CDH6: variants seen among roughly 807,000 people sequenced by gnomAD.
CDH6 encodes the protein cadherin 6.
In CDH6, 31 loss-of-function variants were observed where a neutral mutation model predicts 78.0. The ratio of observed to expected loss-of-function variants is 0.40; its 90% confidence interval spans 0.30 to 0.54. The LOEUF is 0.54. CDH6 is among the 20% of genes least tolerant of loss of function. CDH6 has a pLI of 0.56. For missense variants in CDH6, 724 were observed against 975.9 expected, an observed-to-expected ratio of 0.74 and a Z score of 3.44; for synonymous variants, 376 against 368.8, an observed-to-expected ratio of 1.02 and a Z score of -0.23.
chr5:31,318,917 C>T (rs545501277), intron 11 of CDH6: 1 of 224,396 alleles, frequency 4.5e-6, no homozygotes, highest in Non-Finnish European at 8.9e-6. Flanking sequence ...CCACATCAAC[C>T]CTGCTAACTA....
chr5:31,311,689 C>G (rs1579908990), intron 7 of CDH6, among the ~76,000 whole-genome samples: 1 of 152,154 alleles, frequency 6.6e-6, no homozygotes, highest in Non-Finnish European at 1.5e-5. Flanking sequence ...CTGCAGAAAA[C>G]TTGTAATCAT....
At chr5:31,290,422 C>T (rs1315272789) in intron 2 of CDH6, among the ~76,000 whole-genome samples, 3 of 152,138 alleles carry the variant, frequency 2.0e-5, no homozygotes, top group East Asian at 3.8e-4. Flanking sequence ...GATGGTGAAT[C>T]GTTAAAAGTG....
At chr5:31,220,776 A>T (rs1160987584) in intron 1 of CDH6, among the ~76,000 whole-genome samples, 1 of 152,170 alleles carries the variant, frequency 6.6e-6, no homozygotes, top group East Asian at 1.9e-4. Context: ...CCCAACCTGA[A>T]GGATGAAAAG....
chr5:31,267,620 C>A lies in CDH6; in HGVS notation c.147C>A (p.Asn49Lys). The change falls in exon 2 of 12, where the codon AAC becomes AAA. Residue 49 changes from asparagine to lysine, a missense_variant. Transcript: ENST00000265071. ...CTGGAAACAGCAAAAATGAGCTGAA[C>A]CGTTCAAAAAGGAGCTGGATGTGGA... ...ELSGNSKNEL[N>K]RSKRSWMWNQ... 1 of 1,614,072 alleles carries A rather than the reference C, an allele frequency of 6.2e-7. No individual in the cohort carries two copies. Among genetic ancestry groups the A allele is most frequent in the Non-Finnish European group, 8.5e-7 (1 of 1,180,008 alleles).
intron 1 of CDH6, among the ~76,000 whole-genome samples, chr5:31,240,196 A>G (rs1015393324): frequency 6.6e-6 from 1 of 152,208 alleles, no homozygotes; most frequent in African/African-American, 2.4e-5. Flanking sequence ...ACCTGAGGTA[A>G]AGAAAAAACT....
At position 31,255,575 on chromosome 5, in the gene CDH6, G is replaced by A. The variant is rs772454901; in HGVS notation, c.-128-11771G>A. 2.6e-5 allele frequency among the ~76,000 whole-genome samples: 4 copies of A among 152,150 alleles called. No homozygotes were observed. In the East Asian group the frequency reaches 5.8e-4, roughly 22 times the overall value. On this transcript the variant is annotated intron_variant, in intron 1 of 11. Transcript: ENST00000265071. The stretch of plus-strand genomic sequence containing the variant: ...GCAATCAAAATTGATAAAACATCCA[G>A]CATCCCATTCAAACACATTCTCTTC...
intron 1 of CDH6, among the ~76,000 whole-genome samples, chr5:31,227,164 A>G (rs563549364): frequency 6.6e-6 from 1 of 152,168 alleles, no homozygotes; most frequent in South Asian, 2.1e-4. Flanking sequence ...TCCTCACCCT[A>G]TCCCACTTCA....
intron 1 of CDH6, among the ~76,000 whole-genome samples, chr5:31,218,793 T>C (rs1484681300): frequency 6.6e-6 from 1 of 152,302 alleles, no homozygotes; most frequent in East Asian, 1.9e-4. Flanking sequence ...GGGTCATCTA[T>C]AAAATTTAAG....
At chr5:31,308,929 T>C (rs1452278885) in intron 7 of CDH6, among the ~76,000 whole-genome samples, 1 of 152,118 alleles carries the variant, frequency 6.6e-6, no homozygotes, top group East Asian at 1.9e-4. Context: ...AATATATATC[T>C]AGATAATTAT....
At chr5:31,268,437 G>A (rs769301350) in intron 2 of CDH6, among the ~76,000 whole-genome samples, 2 of 152,190 alleles carry the variant, frequency 1.3e-5, no homozygotes, top group Non-Finnish European at 2.9e-5. Flanking sequence ...CTGGAGCTGA[G>A]TCAGGGAAAC....
intron 1 of CDH6, among the ~76,000 whole-genome samples, chr5:31,264,993 C>T (rs1173397896): frequency 6.6e-6 from 1 of 152,198 alleles, no homozygotes; most frequent in Non-Finnish European, 1.5e-5. Flanking sequence ...GCCTTTTAAA[C>T]AGCTGACACC....
At chr5:31,198,887 C>G (rs1740242574) in intron 1 of CDH6, among the ~76,000 whole-genome samples, 1 of 152,008 alleles carries the variant, frequency 6.6e-6, no homozygotes, top group African/African-American at 2.4e-5. Context: ...AAAAAATCAC[C>G]ATCTAAGGGA....
chr5:31,276,688 G>A (rs1244836664), intron 2 of CDH6, among the ~76,000 whole-genome samples: 1 of 152,276 alleles, frequency 6.6e-6, no homozygotes, highest in Non-Finnish European at 1.5e-5. Context: ...TTGCTAGAGA[G>A]TGTAAGTCCA....
intron 1 of CDH6, among the ~76,000 whole-genome samples, 180 bp from the exon 2 acceptor site, chr5:31,267,166 C>T (rs1742385073): frequency 6.6e-6 from 1 of 152,132 alleles, no homozygotes; most frequent in East Asian, 1.9e-4. Flanking sequence ...GCTTCCTACC[C>T]AGCACATGCC....
At chr5:31,276,202 C>T (rs1322443864) in intron 2 of CDH6, among the ~76,000 whole-genome samples, 1 of 151,764 alleles carries the variant, frequency 6.6e-6, no homozygotes, top group Non-Finnish European at 1.5e-5. Context: ...AAAAGAAGTA[C>T]AGAATTCCCC....
At chr5:31,281,054 TA>T (rs1252248919) in intron 2 of CDH6, among the ~76,000 whole-genome samples, 2 of 152,224 alleles carry the variant, frequency 1.3e-5, no homozygotes, top group Admixed American at 6.5e-5. Flanking sequence ...TGAATTCAAG[TA>T]AAAAAATAGT....
intron 8 of CDH6, among the ~76,000 whole-genome samples, chr5:31,313,946 A>G (rs929968744): frequency 2.6e-5 from 4 of 152,202 alleles, no homozygotes; most frequent in African/African-American, 4.8e-5. Context: ...TCACTTTTCT[A>G]TGGTATACCA....
In CDH6 at chr5:31,310,991, T is replaced by G. The variant is rs1454379692; in HGVS notation, c.1254-2327T>G. Among the ~76,000 whole-genome samples the G allele has an allele frequency of 2.6e-5, 4 of 152,394 alleles. 1 individual carries two copies. Among genetic ancestry groups the G allele is most frequent in the African/African-American group, 4.8e-5 (2 of 41,598 alleles). On this transcript the variant is annotated intron_variant, in intron 7 of 11. Coordinates refer to ENST00000265071, the MANE Select transcript of CDH6 (RefSeq NM_004932.4). ...GACATTTTCCCCCTTGTCCTGGCTA[T>G]TAACATTCGGCTCCTCTTTAGTTAG... is the stretch of plus-strand genomic sequence containing the variant.
intron 5 of CDH6, among the ~76,000 whole-genome samples, chr5:31,299,904 C>T (rs1737713992): frequency 6.6e-6 from 1 of 152,162 alleles, no homozygotes; most frequent in South Asian, 2.1e-4. Context: ...CTACCACAGA[C>T]ATAAATCTGC....
Sources: allele counts gnomAD v4.1 joint callset (sites outside exome capture counted in the v4.1 genomes callset), GRCh38; gene constraint gnomAD v4.1.1; transcripts MANE v1.5; gene names NCBI Gene and HGNC (gene_info 2026-07-23, HGNC 2026-07-21).